Variants in PCDHA4 observed in about 807,000 individuals in gnomAD.
PCDHA4 encodes the protein protocadherin alpha 4, also known as protocadherin alpha-4.
A neutral mutation model predicts 61.4 loss-of-function variants in PCDHA4; 49 were observed. The ratio of observed to expected loss-of-function variants is 0.80; its 90% confidence interval spans 0.63 to 1.01. PCDHA4 has a LOEUF of 1.01. Ranked by LOEUF, PCDHA4 falls within the 50% of genes least tolerant of loss-of-function variation. The pLI, the probability that PCDHA4 is intolerant of heterozygous loss-of-function variation, is 0.00. For synonymous variants in PCDHA4, 590 were observed against 550.3 expected (o/e 1.07, Z -1.01); for missense variants, 1,254 against 1,235.8 (o/e 1.01, Z -0.22).
chr5:140,967,130 G>A (rs1554229204), intron 1 of PCDHA4: 1 of 1,612,184 alleles, frequency 6.2e-7, no homozygotes, highest in East Asian at 2.2e-5. Flanking sequence ...GCTCAGCTTG[G>A]AAGTGCTGGC....
At chr5:140,828,766 T>A (rs2150158702) in intron 1 of PCDHA4, 32 of 1,614,112 alleles carry the variant, frequency 2.0e-5, no homozygotes, top group Non-Finnish European at 2.5e-5. Context: ...TCACAGGCAC[T>A]GTTCAGCTGC....
At position 141,011,042 on chromosome 5, in the gene PCDHA4, T is replaced by G. The variant is rs915588789; in HGVS notation, c.*1105T>G. 6.5e-6 allele frequency: 1 copy of G among 153,796 alleles called. No individual in the cohort carries two copies. The highest frequency in any genetic ancestry group is 2.4e-5 in the African/African-American group (1 of 41,464). The allele number at this position is 153,796 out of a possible 1,614,324, so 9.5% of individuals were successfully genotyped here. A position where few individuals can be genotyped will look rare whatever the true frequency, so the allele number is the denominator to read the frequency against. On this transcript the variant is annotated 3_prime_UTR_variant, in exon 4 of 4. Transcript: ENST00000530339. ...TCACAGCTTTACTCTTTCAGGTCACTCTGGGGCTGCCTCTTGCATGTATTA... is the reference window on the plus strand; with the variant it reads ...TCACAGCTTTACTCTTTCAGGTCACGCTGGGGCTGCCTCTTGCATGTATTA...
At chr5:140,926,860 C>T in intron 1 of PCDHA4, 1 of 1,521,078 alleles carries the variant, frequency 6.6e-7, no homozygotes, top group Non-Finnish European at 8.8e-7. Flanking sequence ...GTTGGTGTAG[C>T]GTGTTGGTGG....
At chr5:140,827,132 A>G (rs1274640005) in intron 1 of PCDHA4, among the ~76,000 whole-genome samples, 1 of 152,222 alleles carries the variant, frequency 6.6e-6, no homozygotes, top group Non-Finnish European at 1.5e-5. Context: ...TTAGAAACAT[A>G]GAAAGAAGGG....
intron 1 of PCDHA4, chr5:140,836,168 T>A: frequency 1.2e-6 from 2 of 1,613,802 alleles, no homozygotes; most frequent in Non-Finnish European, 1.7e-6. Flanking sequence ...CGAAGGTACG[T>A]GCAGTTGACG....
chr5:140,875,751 G>A lies in PCDHA4; in HGVS notation c.2385+66179G>A, dbSNP rs781862261. On this transcript the variant is annotated intron_variant, in intron 1 of 3. Transcript: ENST00000530339. ...TTGTGAATTCTCGGATCGACCGCGA[G>A]AAGCTGTGCGGGCGGAGCGCGGAGT... 1.9e-6 allele frequency: 3 copies of A among 1,614,278 alleles called. No individual in the cohort carries two copies. In the South Asian group the frequency reaches 3.3e-5, roughly 18 times the overall value.
Position 140,807,934 on chromosome 5 carries a change from G to C in PCDHA4, c.747G>C (p.Val249=). Residue 249 remains valine, a synonymous_variant, in exon 1 of 4, where the codon GTG becomes GTC. Coordinates refer to ENST00000530339, the MANE Select transcript of PCDHA4 (RefSeq NM_018907.4). ...CTTTTGACAGAACCATTTATAAGGTGAGATTACTAGAAAATGTTCCTAATG... is the reference window on the plus strand; with the variant it reads ...CTTTTGACAGAACCATTTATAAGGTCAGATTACTAGAAAATGTTCCTAATG... ...APAFDRTIYK[V]RLLENVPNGT... is the part of the protein sequence containing the mutation. 6.2e-7 allele frequency: 1 copy of C among 1,614,090 alleles called. No individual in the cohort carries two copies.
intron 1 of PCDHA4, among the ~76,000 whole-genome samples, chr5:140,947,744 TG>T (rs1227312993): frequency 6.6e-6 from 1 of 151,630 alleles, no homozygotes; most frequent in Non-Finnish European, 1.5e-5. Flanking sequence ...CCTATTCTTA[TG>T]TATTTTATGG....
At chr5:140,898,383 G>A (rs1416953064) in intron 1 of PCDHA4, among the ~76,000 whole-genome samples, 1 of 152,164 alleles carries the variant, frequency 6.6e-6, no homozygotes, top group South Asian at 2.1e-4. Flanking sequence ...GTAAGGAAGG[G>A]ATCCAGTTTC....
intron 1 of PCDHA4, among the ~76,000 whole-genome samples, chr5:140,952,915 G>GGCATGA (rs2094816103): frequency 6.6e-6 from 1 of 151,986 alleles, no homozygotes; most frequent in African/African-American, 2.4e-5. Flanking sequence ...CATCTTACAT[G>GGCATGA]GCATGAGCAG....
intron 1 of PCDHA4, chr5:140,841,869 A>G (rs1223944877): frequency 6.2e-7 from 1 of 1,613,734 alleles, no homozygotes; most frequent in African/African-American, 1.3e-5. Flanking sequence ...CTAGATGTGA[A>G]TTCAAAGAAC....
In PCDHA4 at chr5:140,972,940, A is replaced by G. The variant is rs148421479; in HGVS notation, c.2386-6009A>G. The stretch of plus-strand genomic sequence containing the variant: ...GCCTCCCAAAGTGCTGGGATTACAG[A>G]TGTGAGCCACCATGCCCGGCAAAGG... On this transcript the variant is annotated intron_variant, in intron 1 of 3. Coordinates refer to ENST00000530339, the MANE Select transcript of PCDHA4 (RefSeq NM_018907.4). Among the ~76,000 whole-genome samples the G allele has an allele frequency of 9.4e-3, 1,423 of 152,078 alleles. 26 individuals are homozygous for G. The highest frequency in any genetic ancestry group is 0.032 in the African/African-American group (1,334 of 41,472).
In PCDHA4 at chr5:140,858,056, G is replaced by A; in HGVS notation, c.2385+48484G>A. ...GGCCACTGTGCTTGTGTCGCTTGTG[G>A]AGGGCAGCCAGGCACCCAAGGCCTC... is the stretch of plus-strand genomic sequence containing the variant. On this transcript the variant is annotated intron_variant, in intron 1 of 3. Transcript: ENST00000530339. 1.9e-6 allele frequency: 3 copies of A among 1,597,644 alleles called. 1 individual carries two copies. The highest frequency in any genetic ancestry group is 2.6e-6 in the Non-Finnish European group (3 of 1,167,552).
intron 1 of PCDHA4, chr5:140,857,580 C>T: frequency 6.3e-7 from 1 of 1,596,630 alleles, no homozygotes; most frequent in African/African-American, 1.3e-5. Flanking sequence ...TCGGTGCACG[C>T]GGAGAGCGGC....
At chr5:140,979,966 A>G (rs1029035910) in intron 2 of PCDHA4, among the ~76,000 whole-genome samples, 7 of 152,258 alleles carry the variant, frequency 4.6e-5, no homozygotes, top group Non-Finnish European at 7.3e-5. Context: ...TTAGCCCATT[A>G]AAATGCATTA....
chr5:140,814,689 T>C (rs1554126575), intron 1 of PCDHA4: 1 of 152,206 alleles, frequency 6.6e-6, no homozygotes, highest in Non-Finnish European at 1.5e-5. Context: ...TACAACATTA[T>C]GACTGCTACA....
intron 1 of PCDHA4, among the ~76,000 whole-genome samples, chr5:140,957,852 A>T (rs968818783): frequency 6.6e-6 from 1 of 151,658 alleles, no homozygotes. Flanking sequence ...GAGTTTGTGT[A>T]TTTTTTTTCC....
At chr5:140,883,130 G>C in intron 1 of PCDHA4, 1 of 1,614,062 alleles carries the variant, frequency 6.2e-7, no homozygotes, top group Non-Finnish European at 8.5e-7. Flanking sequence ...TGTATGGCCT[G>C]CAGTGGTATA....
intron 1 of PCDHA4, among the ~76,000 whole-genome samples, chr5:140,880,283 A>G (rs1308508886): frequency 3.3e-5 from 5 of 152,250 alleles, no homozygotes; most frequent in African/African-American, 9.6e-5. Flanking sequence ...AAGTTTGACT[A>G]TCTTCATAGT....
Sources: allele counts gnomAD v4.1 joint callset (sites outside exome capture counted in the v4.1 genomes callset), GRCh38; gene constraint gnomAD v4.1.1; transcripts MANE v1.5; gene names NCBI Gene and HGNC (gene_info 2026-07-23, HGNC 2026-07-21).